BAIAP2L1: variants seen among roughly 807,000 people sequenced by gnomAD.
The protein encoded by BAIAP2L1 is BAR/IMD domain-containing adapter protein 2-like 1.
Under a neutral mutation model 66.3 loss-of-function variants are expected in BAIAP2L1, and 35 were observed. That is an observed-to-expected ratio of 0.53 (90% CI 0.40 to 0.70). BAIAP2L1 has a LOEUF of 0.70. Ranked by LOEUF, BAIAP2L1 falls within the 30% of genes least tolerant of loss-of-function variation. The pLI is 0.00. For synonymous variants in BAIAP2L1, 269 were observed against 248.7 expected, an observed-to-expected ratio of 1.08 and a Z score of -0.77; for missense variants, 622 against 656.9, an observed-to-expected ratio of 0.95 and a Z score of 0.58.
chr7:98,343,284 C>G (rs1485364533), intron 3 of BAIAP2L1, among the ~76,000 whole-genome samples: 2 of 137,540 alleles, frequency 1.5e-5, no homozygotes, highest in Non-Finnish European at 1.6e-5. Context: ...CACACACACA[C>G]ACAGACACAC....
intron 1 of BAIAP2L1, among the ~76,000 whole-genome samples, chr7:98,384,584 T>A (rs889436131): frequency 6.6e-6 from 1 of 152,052 alleles, no homozygotes; most frequent in Admixed American, 6.6e-5. Flanking sequence ...CGGATCAAAG[T>A]ACACTGACTT....
chr7:98,388,802 T>C (rs1802955434), intron 1 of BAIAP2L1, among the ~76,000 whole-genome samples: 1 of 152,008 alleles, frequency 6.6e-6, no homozygotes. Flanking sequence ...AGTGAAACCC[T>C]GTCTCTATGA....
At chr7:98,380,023 A>G (rs1459612170) in intron 1 of BAIAP2L1, among the ~76,000 whole-genome samples, 1 of 152,110 alleles carries the variant, frequency 6.6e-6, no homozygotes, top group Non-Finnish European at 1.5e-5. Flanking sequence ...CAACCATTAA[A>G]TTGTACGCTT....
intron 3 of BAIAP2L1, among the ~76,000 whole-genome samples, chr7:98,351,897 G>A (rs569616066): frequency 8.7e-4 from 133 of 152,298 alleles, no homozygotes; most frequent in Non-Finnish European, 1.7e-3. Context: ...CGACCCTCGA[G>A]GCGCACAGAA....
intron 2 of BAIAP2L1, among the ~76,000 whole-genome samples, chr7:98,361,673 A>G (rs1299020578): frequency 3.3e-5 from 5 of 152,168 alleles, no homozygotes; most frequent in African/African-American, 4.8e-5. Flanking sequence ...TATATTTTGA[A>G]ATGAGAACCT....
chr7:98,367,356 G>A (rs1584489592), intron 1 of BAIAP2L1, among the ~76,000 whole-genome samples: 1 of 151,798 alleles, frequency 6.6e-6, no homozygotes, highest in Non-Finnish European at 1.5e-5. Context: ...TCATTTTTGG[G>A]GGAAGGTTTC....
In BAIAP2L1 at chr7:98,310,501, A is replaced by C. The variant is rs370678062; in HGVS notation, c.899T>G (p.Met300Arg). The C allele has an allele frequency of 1.2e-6, 2 of 1,607,702 alleles. No homozygotes were observed. Among genetic ancestry groups the C allele is most frequent in the Admixed American group, 1.7e-5 (1 of 58,100 alleles). The change falls in exon 9 of 14, where the codon ATG becomes AGG. Residue 300 changes from methionine to arginine, a missense_variant. Met to Arg is a moderately conservative substitution (Grantham distance 91). Transcript: ENST00000005260. ...GRAYTSPLID[M>R]FNNPATAAPN... ...GGCAGCCGTGGCTGGGTTATTAAAC[A>C]TATCGATCAAGGGACTGGTATATGC...
Position 98,292,766 on chromosome 7 carries a change from AGTGAGAACACAAGGAGCC to A in BAIAP2L1, c.*737_*754del, listed in dbSNP as rs1323639613. 1 of 1,549,654 alleles carries A rather than the reference AGTGAGAACACAAGGAGCC, an allele frequency of 6.5e-7. No individual in the cohort carries two copies. The highest frequency in any genetic ancestry group is 1.4e-5 in the African/African-American group (1 of 72,952). On this transcript the variant is annotated 3_prime_UTR_variant, in exon 14 of 14. Coordinates refer to ENST00000005260, the MANE Select transcript of BAIAP2L1 (RefSeq NM_018842.5). ...GGATGCAGCTTTGGCCAACTAGCTGAGTGAGAACACAAGGAGCCGTGACTCCGACGCCCAGGCCTGTGT... is the reference window on the plus strand; with the variant it reads ...GGATGCAGCTTTGGCCAACTAGCTGAGTGACTCCGACGCCCAGGCCTGTGT...
chr7:98,309,072 C>A (rs1234065571), intron 9 of BAIAP2L1: 1 of 152,088 alleles, frequency 6.6e-6, no homozygotes, highest in Non-Finnish European at 1.5e-5. Flanking sequence ...TTTATTCTTG[C>A]AGATTCTTCA....
Position 98,292,697 on chromosome 7 carries a change from C to A in BAIAP2L1, c.*824G>T. On this transcript the variant is annotated 3_prime_UTR_variant, in exon 14 of 14. Coordinates refer to ENST00000005260, the MANE Select transcript of BAIAP2L1 (RefSeq NM_018842.5). ...TTTGAGAGTCTGTACCTGATTCAAA[C>A]ACGGAGAAACCAGGACCCCGAGCAG... 6.4e-7 allele frequency: 1 copy of A among 1,551,666 alleles called. No individual in the cohort carries two copies. The highest frequency in any genetic ancestry group is 8.7e-7 in the Non-Finnish European group (1 of 1,146,990).
chr7:98,355,252 G>A, intron 2 of BAIAP2L1, 124 bp from the exon 3 acceptor site: 2 of 708,230 alleles, frequency 2.8e-6, no homozygotes, highest in Admixed American at 2.1e-5. Flanking sequence ...TGTGGCAGGT[G>A]TGGCTCTCAG....
intron 1 of BAIAP2L1, among the ~76,000 whole-genome samples, chr7:98,394,150 G>A (rs966291604): frequency 1.1e-4 from 16 of 152,120 alleles, no homozygotes; most frequent in Non-Finnish European, 2.1e-4. Context: ...GGCTGAGACA[G>A]GAGAATGGCA....
At chr7:98,367,323 G>A (rs1562786738) in intron 1 of BAIAP2L1, among the ~76,000 whole-genome samples, 1 of 151,946 alleles carries the variant, frequency 6.6e-6, no homozygotes, top group Non-Finnish European at 1.5e-5. Flanking sequence ...ACCTTATTTG[G>A]ATTTTCCCAC....
chr7:98,313,496 A>G (rs1196016707), intron 7 of BAIAP2L1, among the ~76,000 whole-genome samples: 2 of 151,994 alleles, frequency 1.3e-5, no homozygotes, highest in East Asian at 3.9e-4. Flanking sequence ...CTGGTGCCAC[A>G]GGATGCCCTC....
intron 1 of BAIAP2L1, chr7:98,386,346 G>A: frequency 6.3e-7 from 1 of 1,593,446 alleles, no homozygotes; most frequent in Non-Finnish European, 8.5e-7. Context: ...TTTTCTAAAT[G>A]CAACTTCATC....
At chr7:98,350,753 T>C (rs1447762050) in intron 3 of BAIAP2L1, among the ~76,000 whole-genome samples, 6 of 152,186 alleles carry the variant, frequency 3.9e-5, no homozygotes, top group Admixed American at 2.0e-4. Flanking sequence ...TCTTCCTCTG[T>C]GCTTAGATCT....
intron 5 of BAIAP2L1, among the ~76,000 whole-genome samples, chr7:98,319,793 C>T (rs146482659): frequency 3.2e-4 from 48 of 152,228 alleles, no homozygotes; most frequent in East Asian, 1.4e-3. Context: ...TCAAGTGATC[C>T]GCCTGCCTTG....
At chr7:98,375,460 T>C (rs1347881802) in intron 1 of BAIAP2L1, among the ~76,000 whole-genome samples, 2 of 146,200 alleles carry the variant, frequency 1.4e-5, no homozygotes, top group African/African-American at 5.1e-5. Flanking sequence ...CAAGAATTAC[T>C]AACAGTTGGC....
Position 98,391,963 on chromosome 7 carries a change from T to C in BAIAP2L1, c.51+8839A>G, listed in dbSNP as rs568712063. ...TGTTCTGGCCAATGTCCATATTCTA[T>C]ATGGTACACATGCTTAAATACTGAA... On this transcript the variant is annotated intron_variant, in intron 1 of 13. Coordinates refer to ENST00000005260, the MANE Select transcript of BAIAP2L1 (RefSeq NM_018842.5). Among the ~76,000 whole-genome samples, 6 of 152,216 alleles carry C rather than the reference T, an allele frequency of 3.9e-5. No homozygotes were observed. The South Asian group carries it at 1.0e-3, about 26-fold the overall frequency.
Sources: allele counts gnomAD v4.1 joint callset (sites outside exome capture counted in the v4.1 genomes callset), GRCh38; gene constraint gnomAD v4.1.1; transcripts MANE v1.5; gene names NCBI Gene and HGNC (gene_info 2026-07-23, HGNC 2026-07-21).